Variants in SNTG1 observed in about 807,000 individuals in gnomAD.
The protein encoded by SNTG1 is syntrophin gamma 1, also known as gamma-1-syntrophin.
A neutral mutation model predicts 74.7 loss-of-function variants in SNTG1; 39 were observed. The observed-to-expected ratio is 0.52, with a 90% CI of 0.40 to 0.68. The LOEUF (loss-of-function observed/expected upper bound fraction) is 0.68, where lower values mean the gene tolerates loss of function less well. SNTG1 is among the 30% of genes least tolerant of loss of function. The probability of loss-of-function intolerance (pLI) is 0.00; values close to 1 mark genes in which losing one functional copy is unlikely to be tolerated. For missense variants in SNTG1, 685 were observed against 609.5 expected (o/e 1.12, Z -1.30); for synonymous variants, 254 against 217.1 (o/e 1.17, Z -1.49).
intron 2 of SNTG1, among the ~76,000 whole-genome samples, chr8:50,384,578 T>C (rs1018719528): frequency 2.6e-5 from 4 of 152,182 alleles, no homozygotes; most frequent in Non-Finnish European, 1.5e-5. Flanking sequence ...AGTGTTGGTC[T>C]ATGCTGCTGA....
intron 1 of SNTG1, among the ~76,000 whole-genome samples, chr8:50,059,832 G>A (rs1820325662): frequency 1.3e-5 from 2 of 152,042 alleles, no homozygotes; most frequent in African/African-American, 4.8e-5. Flanking sequence ...TGGACATAGT[G>A]TTGTCATTTC....
In SNTG1 at chr8:50,505,256, T is replaced by A. The variant is rs75873830; in HGVS notation, c.466+2376T>A. Among the ~76,000 whole-genome samples, 417 of 152,304 alleles carry A rather than the reference T, an allele frequency of 2.7e-3. 2 individuals carry two copies. Among genetic ancestry groups the A allele is most frequent in the Admixed American group, 5.4e-3 (83 of 15,284 alleles). On this transcript the variant is annotated intron_variant, in intron 9 of 18. Transcript: ENST00000642720. ...CTCAAACAGTGAGCATTTAGATTGG[T>A]TCCACATCTTTGTTATTGTGAATAA...
intron 17 of SNTG1, among the ~76,000 whole-genome samples, chr8:50,735,230 G>A (rs1366610806): frequency 1.3e-5 from 2 of 151,458 alleles, no homozygotes; most frequent in Non-Finnish European, 3.0e-5. Flanking sequence ...AGACACAGGT[G>A]GTTTAAAAGA....
At chr8:50,218,002 A>G (rs1401911071) in intron 2 of SNTG1, among the ~76,000 whole-genome samples, 1 of 152,210 alleles carries the variant, frequency 6.6e-6, no homozygotes, top group Non-Finnish European at 1.5e-5. Flanking sequence ...TAACAAAAAT[A>G]CCAAGTCACC....
chr8:50,082,551 C>T (rs115475803), intron 1 of SNTG1, among the ~76,000 whole-genome samples: 24 of 152,254 alleles, frequency 1.6e-4, no homozygotes, highest in African/African-American at 5.5e-4. Context: ...AACTGGTCAT[C>T]TTAAGAGTGG....
intron 2 of SNTG1, among the ~76,000 whole-genome samples, chr8:50,247,419 C>T (rs555233307): frequency 6.6e-6 from 1 of 152,086 alleles, no homozygotes; most frequent in African/African-American, 2.4e-5. Context: ...AAAGCATCAT[C>T]CTTCTTAGTG....
At chr8:50,640,557 A>G (rs1331926076) in intron 13 of SNTG1, among the ~76,000 whole-genome samples, 1 of 152,074 alleles carries the variant, frequency 6.6e-6, no homozygotes, top group Non-Finnish European at 1.5e-5. Context: ...TACACATTCA[A>G]TCCAATTCCA....
At chr8:50,435,614 G>C (rs1587620412) in intron 4 of SNTG1, among the ~76,000 whole-genome samples, 1 of 152,084 alleles carries the variant, frequency 6.6e-6, no homozygotes, top group Admixed American at 6.6e-5. Context: ...GCTTCCTGCT[G>C]CCTGCAGTGA....
At chr8:50,079,675 TCTACA>T (rs1317645951) in intron 1 of SNTG1, among the ~76,000 whole-genome samples, 1 of 152,208 alleles carries the variant, frequency 6.6e-6, no homozygotes, top group African/African-American at 2.4e-5. Context: ...TAGGTTTTCT[TCTACA>T]GTTTTTATGG....
intron 1 of SNTG1, among the ~76,000 whole-genome samples, chr8:50,170,402 A>G (rs755359851): frequency 1.3e-5 from 2 of 152,182 alleles, no homozygotes; most frequent in Non-Finnish European, 2.9e-5. Context: ...CTTAAAAGAT[A>G]TGATAATGAT....
At chr8:50,489,401 A>C (rs2093829588) in intron 8 of SNTG1, among the ~76,000 whole-genome samples, 1 of 152,182 alleles carries the variant, frequency 6.6e-6, no homozygotes, top group Admixed American at 6.6e-5. Context: ...AACAGTGTAA[A>C]AGTGTTCCTA....
In SNTG1 at chr8:50,665,247, A is replaced by G. The variant is rs144512904; in HGVS notation, c.1038+6584A>G. On this transcript the variant is annotated intron_variant, in intron 15 of 18. Transcript: ENST00000642720. ...GGGGAAGGAGAAAGAGGGATTGATC[A>G]ACTAAGTAGATATGTTATGCGGAAG... Among the ~76,000 whole-genome samples the G allele has an allele frequency of 2.9e-4, 44 of 152,230 alleles. 1 individual carries two copies. The highest frequency in any genetic ancestry group is 7.9e-4 in the Admixed American group (12 of 15,262).
chr8:50,414,136 A>G (rs1379852050), intron 4 of SNTG1, among the ~76,000 whole-genome samples: 1 of 152,140 alleles, frequency 6.6e-6, no homozygotes, highest in Non-Finnish European at 1.5e-5. Context: ...CTGTGGGCTC[A>G]TGGTCTTGGC....
intron 2 of SNTG1, among the ~76,000 whole-genome samples, chr8:50,276,373 TTATATATATATATATATA>T (rs6150576): frequency 0.53 from 76,298 of 143,444 alleles, 22,730 homozygotes; most frequent in East Asian, 0.82. Context: ...CAAGTAAATT[TTATATATATATATATATA>T]TATATATATA....
intron 12 of SNTG1, among the ~76,000 whole-genome samples, chr8:50,581,533 C>G (rs969457331): frequency 1.3e-5 from 2 of 152,130 alleles, no homozygotes; most frequent in African/African-American, 4.8e-5. Context: ...GTATTCCTTT[C>G]AAATCTTGTA....
intron 2 of SNTG1, among the ~76,000 whole-genome samples, chr8:50,382,837 G>A (rs2092511735): frequency 6.6e-6 from 1 of 152,158 alleles, no homozygotes; most frequent in Non-Finnish European, 1.5e-5. Flanking sequence ...TCATGCAATT[G>A]TGTGGGCTGG....
intron 13 of SNTG1, among the ~76,000 whole-genome samples, chr8:50,598,472 T>C (rs963159746): frequency 4.5e-4 from 68 of 152,110 alleles, no homozygotes; most frequent in African/African-American, 1.6e-3. Context: ...ATACATTTTA[T>C]TTACTATATC....
rs1374533999 is a variant in SNTG1 at position 50,119,341 on chromosome 8, T to C, written c.-102-53220T>C. 2.1e-5 allele frequency among the ~76,000 whole-genome samples: 3 copies of C among 140,028 alleles called. 1 individual carries two copies. The highest frequency in any genetic ancestry group is 7.8e-5 in the African/African-American group (3 of 38,708). 91.9% of individuals were successfully genotyped at this position (140,028 alleles called of 152,430 possible). ...TTGACATGGCCGGGAAATGGCCTCC[T>C]TGGATTAATCAAGTACCTTCAGAGG... On this transcript the variant is annotated intron_variant, in intron 1 of 18. Coordinates refer to ENST00000642720, the MANE Select transcript of SNTG1 (RefSeq NM_018967.5).
chr8:50,592,346 G>T (rs894264596), intron 13 of SNTG1, among the ~76,000 whole-genome samples: 1 of 152,104 alleles, frequency 6.6e-6, no homozygotes, highest in Non-Finnish European at 1.5e-5. Flanking sequence ...CTAGAGCTGT[G>T]TCGTCACCCT....
Sources: allele counts gnomAD v4.1 joint callset (sites outside exome capture counted in the v4.1 genomes callset), GRCh38; gene constraint gnomAD v4.1.1; transcripts MANE v1.5; gene names NCBI Gene and HGNC (gene_info 2026-07-23, HGNC 2026-07-21).